MOV10L1: variants seen among roughly 807,000 people sequenced by gnomAD.
MOV10L1 encodes the protein RNA helicase Mov10l1.
A neutral mutation model predicts 143.8 loss-of-function variants in MOV10L1; 110 were observed. That is an observed-to-expected ratio of 0.76 (90% CI 0.66 to 0.90). The LOEUF (loss-of-function observed/expected upper bound fraction) is 0.90. MOV10L1 is among the 40% of genes least tolerant of loss of function. MOV10L1 has a pLI of 0.00. For missense variants in MOV10L1, 1,406 were observed against 1,526.8 expected (o/e 0.92, Z 1.32); for synonymous variants, 593 against 581.1 (o/e 1.02, Z -0.29).
rs778879241 is a variant in MOV10L1, at chr22:50,149,717, A to G, written c.2727+3A>G. ...TGATGTCGGACATCAGTGGCCAGGT[A>G]AGTCCCGACTACTGTGTGTGCTGCT... is the stretch of plus-strand genomic sequence containing the variant. On this transcript the variant is annotated splice_donor_region_variant and intron_variant, in intron 20 of 26. Transcript: ENST00000262794. 13 of 1,612,224 alleles carry G rather than the reference A, an allele frequency of 8.1e-6. No homozygotes were observed. In the Admixed American group the frequency reaches 1.8e-4, roughly 23 times the overall value.
chr22:50,097,027 A>G (rs895919772), intron 2 of MOV10L1, among the ~76,000 whole-genome samples: 1 of 152,204 alleles, frequency 6.6e-6, no homozygotes, highest in African/African-American at 2.4e-5. Flanking sequence ...GTCACACTCA[A>G]GATACCATTG....
rs368495259 is a variant in MOV10L1 at position 50,117,367 on chromosome 22, T to C, written c.1454+16T>C. ...CACAGAAAAGGTACCATAACTGAAA[T>C]GAGTGTGGCTCTTGGTCTGGCAGTT... is the stretch of plus-strand genomic sequence containing the variant. On this transcript the variant is annotated intron_variant, in intron 9 of 26. Transcript: ENST00000262794. 34 of 1,609,750 alleles carry C rather than the reference T, an allele frequency of 2.1e-5. No homozygotes were observed. The highest frequency in any genetic ancestry group is 2.9e-5 in the Non-Finnish European group (34 of 1,177,594).
In MOV10L1 at chr22:50,134,078, TAG is replaced by T. The variant is rs762818142; in HGVS notation, c.1969+15_1969+16del. On this transcript the variant is annotated intron_variant, in intron 14 of 26. Transcript: ENST00000262794. ...TTAGGTGTAAAAGGTATTACTTTTA[TAG>T]AATGATAGTGTTACATCTTCACAGA... 15 of 1,592,382 alleles carry T rather than the reference TAG, an allele frequency of 9.4e-6. No individual in the cohort carries two copies. In the African/African-American group the frequency reaches 2.0e-4, roughly 21 times the overall value.
Position 50,161,037 on chromosome 22 carries a change from C to T in MOV10L1, c.3536C>T (p.Ala1179Val), listed in dbSNP as rs2272843. 6 of 1,613,922 alleles carry T rather than the reference C, an allele frequency of 3.7e-6. No individual in the cohort carries two copies. The Admixed American group carries it at 5.0e-5, about 13-fold the overall frequency. ...GVYMGCDLPP[A>V]LQSLQNCGEG... ...TACATGGGATGCGATTTACCTCCTGCACTGCAGTCTCTGCAAAAGTGAGCG... is the reference window on the plus strand; with the variant it reads ...TACATGGGATGCGATTTACCTCCTGTACTGCAGTCTCTGCAAAAGTGAGCG... Residue 1179 changes from alanine (A) to valine (V), a missense_variant, in exon 26 of 27, where the codon GCA becomes GTA. Ala to Val is a moderately conservative substitution (Grantham distance 64). Transcript: ENST00000262794.
chr22:50,129,084 G>A (rs1281723087), intron 13 of MOV10L1, among the ~76,000 whole-genome samples: 1 of 152,266 alleles, frequency 6.6e-6, no homozygotes, highest in South Asian at 2.1e-4. Context: ...CCTTGTGGAT[G>A]GAAGTGGGCT....
intron 3 of MOV10L1, among the ~76,000 whole-genome samples, chr22:50,104,104 C>T (rs2061810950): frequency 6.6e-6 from 1 of 152,106 alleles, no homozygotes; most frequent in Non-Finnish European, 1.5e-5. Flanking sequence ...CAACCTAGAT[C>T]CCTCGCATGC....
chr22:50,090,237 C>T (rs1267834683), intron 1 of MOV10L1, 52 bp downstream of exon 1: 1 of 1,404,100 alleles, frequency 7.1e-7, no homozygotes. Flanking sequence ...CGCGTGTCGG[C>T]CACGAGGGAG....
Position 50,152,619 on chromosome 22 carries a change from A to G in MOV10L1, c.2893-426A>G, listed in dbSNP as rs550605265. ...CTATGCTCTCCTGGCCCAGGGGCCC[A>G]GGAGCTCTTCCTTCCCTGTGGCCAA... On this transcript the variant is annotated intron_variant, in intron 21 of 26. Transcript: ENST00000262794. The surrounding 1 kb of genome is among the most constrained non-coding windows in gnomAD (Gnocchi z 4.4). Among the ~76,000 whole-genome samples the G allele has an allele frequency of 6.6e-5, 10 of 152,244 alleles. No homozygotes were observed. The highest frequency in any genetic ancestry group is 2.4e-4 in the African/African-American group (10 of 41,550).
chr22:50,161,289 C>T, intron 26 of MOV10L1, 79 bp from the exon 27 acceptor site: 1 of 1,251,054 alleles, frequency 8.0e-7, no homozygotes, highest in Non-Finnish European at 1.1e-6. Context: ...TTGTAAAACC[C>T]ACATTGGGAA....
chr22:50,126,025 C>T (rs1264991592), intron 11 of MOV10L1, among the ~76,000 whole-genome samples, 177 bp from the exon 12 acceptor site: 1 of 151,950 alleles, frequency 6.6e-6, no homozygotes, highest in Non-Finnish European at 1.5e-5. Context: ...ATCCCCTGAC[C>T]TTGTGATCCG....
At chr22:50,097,738 T>G (rs921485693) in intron 2 of MOV10L1, among the ~76,000 whole-genome samples, 5 of 152,204 alleles carry the variant, frequency 3.3e-5, no homozygotes, top group Non-Finnish European at 5.9e-5. Flanking sequence ...CTATTCATGG[T>G]CCCTTGAGAT....
intron 13 of MOV10L1, among the ~76,000 whole-genome samples, chr22:50,133,446 A>G (rs2062732267): frequency 7.0e-6 from 1 of 143,304 alleles, no homozygotes; most frequent in Non-Finnish European, 1.5e-5. Context: ...GCAACAGAGC[A>G]GAGTCTCTAA....
At chr22:50,108,946 A>G in intron 5 of MOV10L1, 102 bp downstream of exon 5, 1 of 1,083,388 alleles carries the variant, frequency 9.2e-7, no homozygotes, top group South Asian at 1.5e-5. Flanking sequence ...GGAGTTCAAG[A>G]CCAGCCTGAC....
intron 1 of MOV10L1, 140 bp from the exon 2 acceptor site, chr22:50,091,861 C>A: frequency 1.4e-6 from 1 of 733,952 alleles, no homozygotes; most frequent in Non-Finnish European, 2.2e-6. Flanking sequence ...TTCTCTCTGT[C>A]TCAAGTCAGC....
At chr22:50,146,502 C>G (rs1222105058) in intron 19 of MOV10L1, among the ~76,000 whole-genome samples, 1 of 152,116 alleles carries the variant, frequency 6.6e-6, no homozygotes, top group African/African-American at 2.4e-5. Context: ...AGGCAGCTCC[C>G]TCTCAGTGCA....
chr22:50,143,689 C>G (rs2063054497), intron 17 of MOV10L1, among the ~76,000 whole-genome samples: 1 of 152,320 alleles, frequency 6.6e-6, no homozygotes, highest in East Asian at 1.9e-4. Flanking sequence ...AGCAGACTGA[C>G]TGGGGATGGT....
intron 6 of MOV10L1, 98 bp downstream of exon 6, chr22:50,113,886 TA>T: frequency 8.7e-7 from 1 of 1,155,522 alleles, no homozygotes; most frequent in Middle Eastern, 2.1e-4. Flanking sequence ...TTTGGTCATT[TA>T]TTTTTTTCTT....
Position 50,143,199 on chromosome 22 carries a change from C to T in MOV10L1, c.2336C>T (p.Thr779Ile), listed in dbSNP as rs2063039305. 6.2e-7 allele frequency: 1 copy of T among 1,614,028 alleles called. No homozygotes were observed. The highest frequency in any genetic ancestry group is 8.5e-7 in the Non-Finnish European group (1 of 1,180,044). ...CCTCCTGGTACTGGAAAGACAGTGA[C>T]AATAATAGAGGCTGTTTTACAGGTA... ...FGPPGTGKTV[T>I]IIEAVLQVHF... Residue 779 changes from threonine (T) to isoleucine (I), a missense_variant, in exon 17 of 27, where the codon ACA becomes ATA. By Grantham distance (89) the Thr-to-Ile change is moderately conservative. Transcript: ENST00000262794.
In MOV10L1 at chr22:50,151,197, G is replaced by A. The variant is rs977494240; in HGVS notation, c.2892+298G>A. ...GCCTGCCCTAGAGTGACTGCAGGCA[G>A]TGTCTCCTCAGTGGTCTCTGACCCC... On this transcript the variant is annotated intron_variant, in intron 21 of 26. Transcript: ENST00000262794. Among the ~76,000 whole-genome samples the A allele has an allele frequency of 1.6e-4, 25 of 152,188 alleles. 1 individual carries two copies. The highest frequency in any genetic ancestry group is 5.8e-4 in the African/African-American group (24 of 41,464).
Sources: allele counts gnomAD v4.1 joint callset (sites outside exome capture counted in the v4.1 genomes callset), GRCh38; gene constraint gnomAD v4.1.1; non-coding constraint Gnocchi (gnomAD v3.1); transcripts MANE v1.5; gene names NCBI Gene and HGNC (gene_info 2026-07-23, HGNC 2026-07-21).